Variants in WWOX observed in about 807,000 individuals in gnomAD.
WWOX encodes WW domain containing oxidoreductase.
Under a neutral mutation model 46.2 loss-of-function variants are expected in WWOX, and 69 were observed. The ratio of observed to expected loss-of-function variants is 1.49; its 90% CI spans 1.23 to 1.82. The LOEUF (loss-of-function observed/expected upper bound fraction) is 1.82, where lower values mean the gene tolerates loss of function less well. Among genes scored for constraint, WWOX ranks in the 40% most tolerant of loss-of-function variants. The probability of loss-of-function intolerance (pLI) is 0.00; values close to 1 mark genes in which losing one functional copy is unlikely to be tolerated. For synonymous variants in WWOX, 359 were observed against 202.6 expected (o/e 1.77, Z -6.56); for missense variants, 919 against 542.6 (o/e 1.69, Z -6.89).
At chr16:78,591,648 A>T (rs1339970212) in intron 8 of WWOX, among the ~76,000 whole-genome samples, 3 of 152,220 alleles carry the variant, frequency 2.0e-5, no homozygotes, top group African/African-American at 7.2e-5. Flanking sequence ...CAGCTGACCA[A>T]GCTCTAAAAT....
At chr16:78,797,366 A>AAAAAAAG (rs1555538116) in intron 8 of WWOX, among the ~76,000 whole-genome samples, 5 of 150,048 alleles carry the variant, frequency 3.3e-5, no homozygotes, top group African/African-American at 7.4e-5. Flanking sequence ...GGTAAAAAAA[A>AAAAAAAG]AAAAAAAAAA....
intron 8 of WWOX, among the ~76,000 whole-genome samples, chr16:79,091,586 C>A (rs548328137): frequency 2.6e-5 from 4 of 152,190 alleles, no homozygotes; most frequent in Non-Finnish European, 5.9e-5. Flanking sequence ...CCAGAACAAT[C>A]TGGGGGAACT....
chr16:78,256,773 A>T (rs1485146169), intron 5 of WWOX, among the ~76,000 whole-genome samples: 2 of 152,188 alleles, frequency 1.3e-5, no homozygotes, highest in East Asian at 1.9e-4. Flanking sequence ...GAATGGTAGT[A>T]GATTGCCTCA....
At chr16:78,226,915 G>C (rs972742298) in intron 5 of WWOX, among the ~76,000 whole-genome samples, 7 of 152,172 alleles carry the variant, frequency 4.6e-5, no homozygotes, top group Non-Finnish European at 8.8e-5. Flanking sequence ...AGTTGAAAAA[G>C]AAATTACTTT....
intron 5 of WWOX, among the ~76,000 whole-genome samples, chr16:78,216,051 C>A (rs1375579279): frequency 2.6e-5 from 4 of 152,180 alleles, no homozygotes; most frequent in African/African-American, 7.2e-5. Flanking sequence ...AACAGAGACA[C>A]AAACACATCG....
At chr16:78,692,745 C>G (rs529629536) in intron 8 of WWOX, among the ~76,000 whole-genome samples, 1 of 152,306 alleles carries the variant, frequency 6.6e-6, no homozygotes, top group South Asian at 2.1e-4. Context: ...GCTTCTTAAA[C>G]TGGGGTATGA....
At chr16:78,639,306 A>G (rs1184592749) in intron 8 of WWOX, among the ~76,000 whole-genome samples, 1 of 152,238 alleles carries the variant, frequency 6.6e-6, no homozygotes, top group East Asian at 1.9e-4. Flanking sequence ...AAGCTGGGTC[A>G]GTCCTTACAA....
intron 8 of WWOX, among the ~76,000 whole-genome samples, chr16:78,801,408 C>G (rs2050885044): frequency 6.6e-6 from 1 of 152,116 alleles, no homozygotes. Context: ...ACTCAGGAGG[C>G]TGAGGCAGGA....
chr16:78,227,326 G>A (rs1228892906), intron 5 of WWOX, among the ~76,000 whole-genome samples: 1 of 151,862 alleles, frequency 6.6e-6, no homozygotes, highest in Non-Finnish European at 1.5e-5. Context: ...TATTTAAGGA[G>A]TCTTGGGAGG....
intron 8 of WWOX, among the ~76,000 whole-genome samples, chr16:78,875,958 A>G (rs576380371): frequency 6.6e-6 from 1 of 152,136 alleles, no homozygotes; most frequent in Non-Finnish European, 1.5e-5. Context: ...TCCCTTATCT[A>G]GTCCTACAGA....
chr16:78,469,248 T>C (rs151091581), intron 8 of WWOX, among the ~76,000 whole-genome samples: 133 of 152,312 alleles, frequency 8.7e-4, no homozygotes, highest in African/African-American at 3.0e-3. Context: ...CATCAAGATA[T>C]CCACCTGTAA....
At chr16:78,340,561 C>T (rs1182922040) in intron 5 of WWOX, among the ~76,000 whole-genome samples, 1 of 120,140 alleles carries the variant, frequency 8.3e-6, no homozygotes, top group East Asian at 1.9e-4. Flanking sequence ...CTGTTTCTAT[C>T]TAAGTAGAAT....
rs72790043 is a variant in WWOX, at chr16:78,262,360, A to G, written c.516+98071A>G. On this transcript the variant is annotated intron_variant, in intron 5 of 8. Coordinates refer to ENST00000566780, the MANE Select transcript of WWOX (RefSeq NM_016373.4). ...GCTATTCTGATCTTCCTGTTAGAAG[A>G]TCAGATTTACAGAAGTCTACATTTG... is the stretch of plus-strand genomic sequence containing the variant. Among the ~76,000 whole-genome samples the G allele has an allele frequency of 7.4e-3, 1,124 of 152,284 alleles. 14 individuals are homozygous for G. The highest frequency in any genetic ancestry group is 0.049 in the South Asian group (234 of 4,818).
rs561767265 is a variant in WWOX, at chr16:78,425,593, C to CT, written c.791+544dup. Among the ~76,000 whole-genome samples, 317 of 152,234 alleles carry CT rather than the reference C, an allele frequency of 2.1e-3. 2 individuals carry two copies. The highest frequency in any genetic ancestry group is 7.2e-3 in the African/African-American group (298 of 41,534). ...ATTTCAATTAAAACATCAGATGGCA[C>CT]TTTTTTCCTATTGCCATTAGGAGAA... On this transcript the variant is annotated intron_variant, in intron 7 of 8. Transcript: ENST00000566780.
intron 8 of WWOX, chr16:79,101,206 G>C (rs2049185967): frequency 6.6e-6 from 1 of 152,158 alleles, no homozygotes; most frequent in Non-Finnish European, 1.5e-5. Context: ...AGAGATCTTT[G>C]GAGACATTTC....
intron 8 of WWOX, among the ~76,000 whole-genome samples, chr16:78,977,742 G>A (rs1181080080): frequency 6.6e-6 from 1 of 152,042 alleles, no homozygotes; most frequent in Non-Finnish European, 1.5e-5. Context: ...GCAAGTCTGT[G>A]ACCGTCCTGA....
chr16:78,952,081 G>T (rs936608067), intron 8 of WWOX, among the ~76,000 whole-genome samples: 6 of 151,868 alleles, frequency 4.0e-5, no homozygotes, highest in Non-Finnish European at 7.4e-5. Context: ...ACAATCCCTC[G>T]ACCCAGTGAC....
intron 5 of WWOX, among the ~76,000 whole-genome samples, chr16:78,252,554 C>T (rs749552297): frequency 8.5e-5 from 13 of 152,190 alleles, no homozygotes; most frequent in African/African-American, 1.2e-4. Flanking sequence ...AATGACTATG[C>T]CCGTTAGGCA....
At chr16:78,676,706 C>T (rs887061412) in intron 8 of WWOX, among the ~76,000 whole-genome samples, 1 of 152,130 alleles carries the variant, frequency 6.6e-6, no homozygotes, top group African/African-American at 2.4e-5. Flanking sequence ...GGGAATAAAT[C>T]AGTTTAAAGC....
Sources: gnomAD v4.1 joint callset for allele counts (sites outside exome capture counted in the v4.1 genomes callset) on GRCh38, gnomAD v4.1.1 for gene constraint, MANE v1.5 for transcripts, NCBI Gene and HGNC (gene_info 2026-07-23, HGNC 2026-07-21) for gene names.